IGSF21: variants seen among roughly 807,000 people sequenced by gnomAD.
IGSF21 encodes the protein immunoglobulin superfamily member 21.
In IGSF21, 28 loss-of-function variants were observed where a neutral mutation model predicts 46.8. That is an observed-to-expected ratio of 0.60 (90% CI 0.44 to 0.82). IGSF21 has a LOEUF of 0.82. Among genes scored for constraint, IGSF21 ranks in the 40% least tolerant of loss-of-function variants. The probability of loss-of-function intolerance (pLI) is 0.00; values close to 1 mark genes in which losing one functional copy is unlikely to be tolerated. For missense variants in IGSF21, 624 were observed against 665.5 expected (o/e 0.94, Z 0.69); for synonymous variants, 284 against 273.6 (o/e 1.04, Z -0.38).
chr1:18,266,893 C>T (rs1162786233), intron 2 of IGSF21, among the ~76,000 whole-genome samples: 2 of 152,194 alleles, frequency 1.3e-5, no homozygotes, highest in East Asian at 1.9e-4. Context: ...CCCTGGATTC[C>T]ACCTCTGTGA....
rs371078974 is a variant in IGSF21 at position 18,377,444 on chromosome 1, C to T, written c.1333+13C>T. The T allele has an allele frequency of 1.9e-5, 30 of 1,611,242 alleles. No individual in the cohort carries two copies. The African/African-American group carries it at 3.5e-4, about 19-fold the overall frequency. On this transcript the variant is annotated intron_variant, in intron 9 of 9. Coordinates refer to ENST00000251296, the MANE Select transcript of IGSF21 (RefSeq NM_032880.5). ...GAGGACTCTAATGGTAAGTCTCTAC[C>T]CTCAGGATTTTTTGCTTAAAAGGGA...
intron 3 of IGSF21, among the ~76,000 whole-genome samples, chr1:18,329,710 G>A (rs2085693454): frequency 6.6e-6 from 1 of 152,180 alleles, no homozygotes; most frequent in African/African-American, 2.4e-5. Context: ...TAACATTATA[G>A]GCACAAGCAT....
chr1:18,167,596 G>A (rs2086691938), intron 1 of IGSF21, among the ~76,000 whole-genome samples: 1 of 152,112 alleles, frequency 6.6e-6, no homozygotes, highest in Non-Finnish European at 1.5e-5. Context: ...TTCCCACCGT[G>A]AGTGGATTAG....
intron 2 of IGSF21, among the ~76,000 whole-genome samples, chr1:18,287,544 G>C (rs2085226900): frequency 6.6e-6 from 1 of 152,220 alleles, no homozygotes; most frequent in Non-Finnish European, 1.5e-5. Context: ...CATTTCAGAA[G>C]TGCCTCTCGC....
At chr1:18,281,518 A>C (rs1385851786) in intron 2 of IGSF21, among the ~76,000 whole-genome samples, 1 of 151,020 alleles carries the variant, frequency 6.6e-6, no homozygotes, top group Non-Finnish European at 1.5e-5. Context: ...GTGAGCTGAC[A>C]TGGTGCCGCT....
chr1:18,310,094 C>T (rs1317231121), intron 3 of IGSF21, among the ~76,000 whole-genome samples: 3 of 152,208 alleles, frequency 2.0e-5, no homozygotes, highest in Non-Finnish European at 2.9e-5. Context: ...CTCAACACCC[C>T]GCCATCCCCA....
intron 1 of IGSF21, among the ~76,000 whole-genome samples, chr1:18,172,320 C>T (rs767420611): frequency 3.9e-5 from 6 of 152,208 alleles, no homozygotes; most frequent in Non-Finnish European, 4.4e-5. Context: ...CACTTATGTA[C>T]ATATTACTTC....
chr1:18,166,151 G>A (rs997558642), intron 1 of IGSF21, among the ~76,000 whole-genome samples: 1 of 152,176 alleles, frequency 6.6e-6, no homozygotes, highest in African/African-American at 2.4e-5. Flanking sequence ...CAGGGAACAA[G>A]CATTCCTAAC....
intron 1 of IGSF21, among the ~76,000 whole-genome samples, chr1:18,146,342 G>A (rs1449126575): frequency 1.3e-5 from 2 of 152,138 alleles, no homozygotes; most frequent in African/African-American, 2.4e-5. Context: ...CCAAGAGGGG[G>A]ATGGGTGGGG....
At chr1:18,359,239 G>C (rs851740) in intron 4 of IGSF21, among the ~76,000 whole-genome samples, 43,476 of 140,296 alleles carry the variant, frequency 0.31, 8,028 homozygotes, top group African/African-American at 0.43. Context: ...GATTGTGCCA[G>C]TTCACTCCAG....
chr1:18,180,470 C>A (rs138253005), intron 1 of IGSF21, among the ~76,000 whole-genome samples: 378 of 152,232 alleles, frequency 2.5e-3, no homozygotes, highest in African/African-American at 8.2e-3. Flanking sequence ...ACAAGCATGC[C>A]CCACAGTCAT....
At chr1:18,156,911 G>A (rs1282709784) in intron 1 of IGSF21, among the ~76,000 whole-genome samples, 2 of 152,180 alleles carry the variant, frequency 1.3e-5, no homozygotes, top group African/African-American at 4.8e-5. Flanking sequence ...GATCACCTGA[G>A]TTCAGGAGTT....
intron 3 of IGSF21, among the ~76,000 whole-genome samples, chr1:18,309,268 A>G (rs549617178): frequency 1.3e-5 from 2 of 152,290 alleles, no homozygotes; most frequent in African/African-American, 4.8e-5. Flanking sequence ...AGGGGCAATG[A>G]TGCCACTGTT....
At chr1:18,271,180 T>G (rs1409812457) in intron 2 of IGSF21, among the ~76,000 whole-genome samples, 1 of 152,168 alleles carries the variant, frequency 6.6e-6, no homozygotes, top group Non-Finnish European at 1.5e-5. Context: ...ACTCTGAGGA[T>G]GGAGAGCTCA....
At chr1:18,287,655 C>T (rs1009061251) in intron 2 of IGSF21, among the ~76,000 whole-genome samples, 11 of 152,292 alleles carry the variant, frequency 7.2e-5, no homozygotes, top group Non-Finnish European at 1.3e-4. Flanking sequence ...TGGTCCCTAC[C>T]CACTGGCACC....
chr1:18,160,651 G>A (rs1003741776), intron 1 of IGSF21, among the ~76,000 whole-genome samples: 6 of 152,042 alleles, frequency 3.9e-5, no homozygotes, highest in African/African-American at 1.4e-4. Context: ...TGCTCATTCG[G>A]TGTGACGATG....
intron 2 of IGSF21, among the ~76,000 whole-genome samples, chr1:18,238,523 C>T (rs1428039399): frequency 6.6e-6 from 1 of 152,160 alleles, no homozygotes; most frequent in African/African-American, 2.4e-5. Flanking sequence ...CAAGCAAATC[C>T]ATCTTCTCTT....
chr1:18,329,296 C>T (rs1489621599), intron 3 of IGSF21, among the ~76,000 whole-genome samples: 3 of 152,196 alleles, frequency 2.0e-5, no homozygotes, highest in Non-Finnish European at 4.4e-5. Flanking sequence ...CATATTGGCA[C>T]CTCCCCAGAT....
intron 1 of IGSF21, among the ~76,000 whole-genome samples, chr1:18,108,601 G>A (rs10907322): frequency 0.55 from 83,676 of 151,360 alleles, 23,323 homozygotes; most frequent in South Asian, 0.71. Flanking sequence ...TGGAGAAGGT[G>A]TGTGTGTGAG....
Sources: allele counts gnomAD v4.1 joint callset (sites outside exome capture counted in the v4.1 genomes callset), GRCh38; gene constraint gnomAD v4.1.1; transcripts MANE v1.5; gene names NCBI Gene and HGNC (gene_info 2026-07-23, HGNC 2026-07-21).